Variants in ADCY9 observed in about 807,000 individuals in gnomAD.
ADCY9 encodes adenylate cyclase 9, also known as adenylate cyclase type 9.
In ADCY9, 50 loss-of-function variants were observed where a neutral mutation model predicts 101.5. That is an observed-to-expected ratio of 0.49 (90% CI 0.39 to 0.62). The LOEUF (loss-of-function observed/expected upper bound fraction) is 0.62, where lower values mean the gene tolerates loss of function less well. Among genes scored for constraint, ADCY9 ranks in the 20% least tolerant of loss-of-function variants. The pLI is 0.00. For synonymous variants in ADCY9, 905 were observed against 769.3 expected, an observed-to-expected ratio of 1.18 and a Z score of -2.92; for missense variants, 1,662 against 1,800.4, an observed-to-expected ratio of 0.92 and a Z score of 1.39.
chr16:4,008,202 T>C (rs1056080166), intron 2 of ADCY9, among the ~76,000 whole-genome samples: 13 of 127,456 alleles, frequency 1.0e-4, no homozygotes, highest in African/African-American at 3.4e-4. Flanking sequence ...ATCCCGCATA[T>C]AGAAAAAAAA....
In ADCY9 at chr16:4,001,393, G is replaced by A. The variant is rs1427343321; in HGVS notation, c.1884+5975C>T. The stretch of plus-strand genomic sequence containing the variant: ...CTTTCTCAGAGCAGACTGAGGTTTG[G>A]GGTTTGCGGAAAGAATGCCGCAGAG... On this transcript the variant is annotated intron_variant, in intron 3 of 10. Coordinates refer to ENST00000294016, the MANE Select transcript of ADCY9 (RefSeq NM_001116.4). 3.3e-5 allele frequency among the ~76,000 whole-genome samples: 5 copies of A among 152,200 alleles called. No homozygotes were observed. The South Asian group carries it at 6.2e-4, about 19-fold the overall frequency.
Position 4,114,003 on chromosome 16 carries a change from C to A in ADCY9, c.1440G>T (p.Lys480Asn), listed in dbSNP as rs1201292164. The change falls in exon 2 of 11, where the codon AAG becomes AAT. Residue 480 changes from lysine (K) to asparagine (N), a missense_variant. Around this residue, in one of 5 missense-constraint regions of ADCY9, gnomAD observed 228 missense variants for 301.1 expected, o/e 0.76. Transcript: ENST00000294016. The surrounding 1 kb of genome is among the most constrained non-coding windows in gnomAD (Gnocchi z 4.3). ...CGACTCTCATGTTCACCATCTCCTT[C>A]TTCTCCTGGCAGAACTGCTCGATGG... ...IKAIEQFCQE[K>N]KEMVNMRVGV... 4 of 1,613,924 alleles carry A rather than the reference C, an allele frequency of 2.5e-6. No homozygotes were observed. Among genetic ancestry groups the A allele is most frequent in the Non-Finnish European group, 3.4e-6 (4 of 1,180,050 alleles).
At chr16:4,021,590 T>C (rs2056477453) in intron 2 of ADCY9, among the ~76,000 whole-genome samples, 1 of 152,214 alleles carries the variant, frequency 6.6e-6, no homozygotes, top group South Asian at 2.1e-4. Flanking sequence ...GCCAAACGCC[T>C]GCCCCCTGCT....
intron 3 of ADCY9, among the ~76,000 whole-genome samples, chr16:4,004,181 C>T (rs956019263): frequency 2.0e-5 from 3 of 147,618 alleles, no homozygotes; most frequent in Admixed American, 7.0e-5. Context: ...CTGAGAGTTT[C>T]GAGCTGCAGT....
intron 2 of ADCY9, among the ~76,000 whole-genome samples, chr16:4,106,672 C>T (rs867835249): frequency 5.9e-5 from 9 of 152,240 alleles, no homozygotes; most frequent in African/African-American, 2.2e-4. Context: ...GCAAAAACAC[C>T]AATACTAAAA....
chr16:4,115,560 G>A lies in ADCY9; in HGVS notation c.-43-75C>T. ...GCCTAGAGGCCCGGGACCTGCTCCT[G>A]TCCTAAGGGGCGGCTCCAGCACGCG... On this transcript the variant is annotated intron_variant, in intron 1 of 10. Transcript: ENST00000294016. The surrounding 1 kb of genome is among the most constrained non-coding windows in gnomAD (Gnocchi z 6.2). 1.6e-6 allele frequency: 2 copies of A among 1,279,132 alleles called. No individual in the cohort carries two copies. The highest frequency in any genetic ancestry group is 2.1e-6 in the Non-Finnish European group (2 of 957,300). The allele number at this position is 1,279,132 out of a possible 1,614,324, so 79.2% of individuals were successfully genotyped here.
chr16:4,036,471 T>TG (rs1294673690), intron 2 of ADCY9, among the ~76,000 whole-genome samples: 135 of 139,348 alleles, frequency 9.7e-4, no homozygotes, highest in African/African-American at 3.3e-3. Context: ...TGTTTTTTTT[T>TG]TTTTTTTTTT....
intron 2 of ADCY9, among the ~76,000 whole-genome samples, chr16:4,039,408 G>C (rs944095518): frequency 5.9e-5 from 9 of 152,104 alleles, no homozygotes; most frequent in Non-Finnish European, 1.2e-4. Flanking sequence ...GCCAGGTGCG[G>C]TGGCTCACGC....
At chr16:3,974,780 G>A (rs1597137577) in intron 9 of ADCY9, 70 bp from the exon 10 acceptor site, 1 of 1,271,082 alleles carries the variant, frequency 7.9e-7, no homozygotes, top group East Asian at 2.3e-5. Context: ...AACCTGAGAA[G>A]AGCTTGAACA....
At chr16:4,024,301 A>G (rs540018451) in intron 2 of ADCY9, among the ~76,000 whole-genome samples, 6 of 152,126 alleles carry the variant, frequency 3.9e-5, no homozygotes, top group Non-Finnish European at 7.4e-5. Flanking sequence ...GATTATAGGC[A>G]TAAGCCACTG....
At chr16:4,102,704 C>T (rs1038594046) in intron 2 of ADCY9, among the ~76,000 whole-genome samples, 10 of 151,824 alleles carry the variant, frequency 6.6e-5, no homozygotes, top group East Asian at 1.9e-4. Context: ...GGATTACAGG[C>T]GTGACTCACT....
intron 2 of ADCY9, among the ~76,000 whole-genome samples, chr16:4,048,552 T>G (rs969226749): frequency 6.6e-6 from 1 of 152,156 alleles, no homozygotes; most frequent in Non-Finnish European, 1.5e-5. Context: ...CCTGCACTTG[T>G]AGAGGGACAC....
rs553659302 is a variant in ADCY9, at chr16:4,052,294, G to A, written c.1694-44736C>T. On this transcript the variant is annotated intron_variant, in intron 2 of 10. Coordinates refer to ENST00000294016, the MANE Select transcript of ADCY9 (RefSeq NM_001116.4). The stretch of plus-strand genomic sequence containing the variant: ...CGCCTGTGGTCCTGGGCGGGCTCCG[G>A]GGCCTCTGCATTTGGTGGCATGGTG... Among the ~76,000 whole-genome samples the A allele has an allele frequency of 1.7e-3, 265 of 152,340 alleles. 1 individual carries two copies. The highest frequency in any genetic ancestry group is 6.2e-3 in the African/African-American group (256 of 41,578).
At chr16:3,972,440 T>C (rs183586445) in intron 10 of ADCY9, among the ~76,000 whole-genome samples, 5 of 151,806 alleles carry the variant, frequency 3.3e-5, no homozygotes, top group Non-Finnish European at 5.9e-5. Flanking sequence ...AACATGTTGG[T>C]CAGGCTGGTC....
At chr16:4,061,462 A>C (rs1330890686) in intron 2 of ADCY9, among the ~76,000 whole-genome samples, 1 of 152,232 alleles carries the variant, frequency 6.6e-6, no homozygotes, top group Non-Finnish European at 1.5e-5. Context: ...TCTTGACTGC[A>C]TGAAGACAAA....
intron 2 of ADCY9, among the ~76,000 whole-genome samples, chr16:4,111,850 ATT>A (rs34476259): frequency 2.1e-5 from 3 of 143,160 alleles, no homozygotes; most frequent in African/African-American, 7.6e-5. Context: ...TCACTCTAGC[ATT>A]TTTTTTTTTT....
intron 3 of ADCY9, among the ~76,000 whole-genome samples, chr16:4,000,453 G>T (rs949599335): frequency 6.6e-6 from 1 of 152,204 alleles, no homozygotes; most frequent in Non-Finnish European, 1.5e-5. Context: ...TAAGCTAACA[G>T]GTTAGGTACG....
intron 2 of ADCY9, among the ~76,000 whole-genome samples, chr16:4,042,970 G>A (rs1008593133): frequency 6.6e-6 from 1 of 152,018 alleles, no homozygotes. Context: ...AGTGGCTCAC[G>A]CCTGTAATCC....
chr16:3,962,239 G>C (rs937878708), downstream of ADCY9, among the ~76,000 whole-genome samples: 1 of 151,902 alleles, frequency 6.6e-6, no homozygotes, highest in African/African-American at 2.4e-5. Flanking sequence ...AAAACACCTG[G>C]GACCCCAGTG....
Sources: gnomAD v4.1 joint callset for allele counts (sites outside exome capture counted in the v4.1 genomes callset) on GRCh38, gnomAD v4.1.1 for gene constraint, gnomAD v4.1.1 regional missense constraint, Gnocchi (gnomAD v3.1) non-coding constraint, MANE v1.5 for transcripts, NCBI Gene and HGNC (gene_info 2026-07-23, HGNC 2026-07-21) for gene names.